The following LRRC8C variants were observed in gnomAD, a reference collection of about 807,000 sequenced individuals.
LRRC8C encodes volume-regulated anion channel subunit LRRC8C.
Under a neutral mutation model 55.3 loss-of-function variants are expected in LRRC8C, and 20 were observed. The ratio of observed to expected loss-of-function variants is 0.36; its 90% CI spans 0.25 to 0.53. The LOEUF is 0.53. LRRC8C is among the 20% of genes least tolerant of loss of function. The probability of loss-of-function intolerance (pLI) is 0.92; values close to 1 mark genes in which losing one functional copy is unlikely to be tolerated. For missense variants in LRRC8C, 659 were observed against 951.4 expected (o/e 0.69, Z 4.04); for synonymous variants, 376 against 360.7 (o/e 1.04, Z -0.48).
intron 1 of LRRC8C, among the ~76,000 whole-genome samples, chr1:89,670,269 C>A (rs549701925): frequency 6.6e-6 from 1 of 152,120 alleles, no homozygotes; most frequent in African/African-American, 2.4e-5. Context: ...ATGTGAGAGA[C>A]CCTAGTGCTG....
chr1:89,672,246 T>C (rs1336849620), intron 1 of LRRC8C, among the ~76,000 whole-genome samples: 3 of 152,196 alleles, frequency 2.0e-5, no homozygotes, highest in Admixed American at 2.0e-4. Flanking sequence ...AAGCATCACT[T>C]CCTAAACCCC....
At chr1:89,648,836 A>G (rs971581933) in intron 1 of LRRC8C, among the ~76,000 whole-genome samples, 1 of 152,204 alleles carries the variant, frequency 6.6e-6, no homozygotes, top group Non-Finnish European at 1.5e-5. Context: ...TGGTATCAAA[A>G]ATACGTGTTT....
intron 1 of LRRC8C, among the ~76,000 whole-genome samples, chr1:89,640,953 G>C (rs182947168): frequency 2.0e-5 from 3 of 152,314 alleles, no homozygotes; most frequent in African/African-American, 7.2e-5. Context: ...TTTAAGGAAA[G>C]CACAGGGTGG....
intron 1 of LRRC8C, among the ~76,000 whole-genome samples, chr1:89,634,083 A>G (rs1342773265): frequency 2.0e-5 from 3 of 151,376 alleles, no homozygotes; most frequent in Admixed American, 2.0e-4. Context: ...TCCCTCCCCA[A>G]CCCCCACGCC....
the LRRC8C span, among the ~76,000 whole-genome samples, chr1:89,622,479 C>G: frequency 1.3e-5 from 2 of 152,006 alleles, no homozygotes; most frequent in African/African-American, 4.8e-5. Context: ...ACTACAGGCG[C>G]CCGCCAACAC....
the LRRC8C span, among the ~76,000 whole-genome samples, chr1:89,617,271 C>T: frequency 6.6e-6 from 1 of 152,302 alleles, no homozygotes; most frequent in East Asian, 1.9e-4. Flanking sequence ...ATGAAGGACA[C>T]TCATGTTGTC....
intron 1 of LRRC8C, among the ~76,000 whole-genome samples, chr1:89,643,036 A>T (rs1656510403): frequency 7.1e-6 from 1 of 141,050 alleles, no homozygotes; most frequent in African/African-American, 2.6e-5. Flanking sequence ...AAAAAAAAAA[A>T]AATAGGTTTA....
the LRRC8C span, chr1:89,626,408 C>T: frequency 6.6e-6 from 1 of 152,304 alleles, no homozygotes; most frequent in South Asian, 2.1e-4. Context: ...TTAGACCCCA[C>T]AGGCTAAGGG....
intron 1 of LRRC8C, among the ~76,000 whole-genome samples, chr1:89,657,665 C>T (rs1029105497): frequency 4.0e-5 from 6 of 150,900 alleles, no homozygotes; most frequent in Admixed American, 6.6e-5. Flanking sequence ...TGCTCGAACC[C>T]GGGAGGCAGA....
chr1:89,676,806 T>C lies in LRRC8C; in HGVS notation c.-4-9664T>C, dbSNP rs180691408. Among the ~76,000 whole-genome samples the C allele has an allele frequency of 7.9e-4, 121 of 152,344 alleles. 1 individual carries two copies. The highest frequency in any genetic ancestry group is 2.8e-3 in the African/African-American group (117 of 41,592). The stretch of plus-strand genomic sequence containing the variant: ...AAAGGAGTTTCAATTCATATTTTTA[T>C]AAGAATTTCTTCAATGAATATTCTC... On this transcript the variant is annotated intron_variant, in intron 1 of 2. Transcript: ENST00000370454.
At chr1:89,704,117 A>C (rs182780420) in intron 2 of LRRC8C, among the ~76,000 whole-genome samples, 1 of 152,120 alleles carries the variant, frequency 6.6e-6, no homozygotes, top group African/African-American at 2.4e-5. Flanking sequence ...TCTAATATGC[A>C]CAGGTTCTTG....
intron 1 of LRRC8C, among the ~76,000 whole-genome samples, chr1:89,667,809 G>A (rs927919677): frequency 6.6e-6 from 1 of 152,110 alleles, no homozygotes; most frequent in East Asian, 1.9e-4. Flanking sequence ...GTTAGAAAGA[G>A]ACTTTAGGTA....
At chr1:89,688,679 T>G (rs1445036110) in intron 2 of LRRC8C, among the ~76,000 whole-genome samples, 2 of 152,146 alleles carry the variant, frequency 1.3e-5, no homozygotes, top group Admixed American at 6.5e-5. Context: ...GCAGAAGAAT[T>G]GGATTTTATG....
intron 1 of LRRC8C, among the ~76,000 whole-genome samples, chr1:89,635,097 T>G (rs1375346543): frequency 6.6e-6 from 1 of 152,200 alleles, no homozygotes; most frequent in African/African-American, 2.4e-5. Context: ...GGGAATGCTT[T>G]TAGTGAAAAT....
chr1:89,668,187 C>A (rs1221067879), intron 1 of LRRC8C: 1 of 152,558 alleles, frequency 6.6e-6, no homozygotes, highest in Admixed American at 6.6e-5. Flanking sequence ...ACAGAAGGTT[C>A]TTGCTGTTTT....
the LRRC8C span, among the ~76,000 whole-genome samples, chr1:89,618,803 C>T: frequency 6.6e-6 from 1 of 152,086 alleles, no homozygotes; most frequent in Admixed American, 6.5e-5. Flanking sequence ...ATTTACGAGA[C>T]CTTAGTATTT....
chr1:89,644,697 G>T (rs1343652918), intron 1 of LRRC8C, among the ~76,000 whole-genome samples: 2 of 152,122 alleles, frequency 1.3e-5, no homozygotes, highest in African/African-American at 4.8e-5. Context: ...ATCCTAGGGG[G>T]AAAAAAGTCA....
At chr1:89,650,397 A>C (rs1246473546) in intron 1 of LRRC8C, among the ~76,000 whole-genome samples, 1 of 152,152 alleles carries the variant, frequency 6.6e-6, no homozygotes, top group African/African-American at 2.4e-5. Context: ...AAAACTAGGT[A>C]ATGTCCTTCA....
the LRRC8C span, among the ~76,000 whole-genome samples, chr1:89,621,321 T>C: frequency 7.9e-6 from 1 of 126,612 alleles, no homozygotes; most frequent in African/African-American, 3.5e-5. Flanking sequence ...AAAAAAAAAT[T>C]AGCCAGGCGT....
Sources: gnomAD v4.1 joint callset for allele counts (sites outside exome capture counted in the v4.1 genomes callset) on GRCh38, gnomAD v4.1.1 for gene constraint, MANE v1.5 for transcripts, NCBI Gene and HGNC (gene_info 2026-07-23, HGNC 2026-07-21) for gene names.